SCAF4: variants seen among roughly 807,000 people sequenced by gnomAD.
SCAF4 encodes the protein SR-related and CTD-associated factor 4.
A neutral mutation model predicts 129.8 loss-of-function variants in SCAF4; 25 were observed. That is an observed-to-expected ratio of 0.19 (90% confidence interval 0.14 to 0.27). SCAF4 has a LOEUF of 0.27. Among genes scored for constraint, SCAF4 ranks in the 10% least tolerant of loss-of-function variants. The probability of loss-of-function intolerance (pLI) is 1.00; values close to 1 mark genes in which losing one functional copy is unlikely to be tolerated. For synonymous variants in SCAF4, 551 were observed against 497.7 expected, an observed-to-expected ratio of 1.11 and a Z score of -1.43; for missense variants, 1,246 against 1,457.1, an observed-to-expected ratio of 0.86 and a Z score of 2.36.
Position 31,731,958 on chromosome 21 carries a change from G to T in SCAF4, c.-266C>A. 1 of 479,254 alleles carries T rather than the reference G, an allele frequency of 2.1e-6. No individual in the cohort carries two copies. Among genetic ancestry groups the T allele is most frequent in the East Asian group, 3.5e-5 (1 of 28,320 alleles). 29.7% of individuals were successfully genotyped at this position (479,254 alleles called of 1,614,324 possible). On this transcript the variant is annotated 5_prime_UTR_variant, in exon 1 of 20. Transcript: ENST00000286835. Reference sequence around the variant, plus strand: ...GGCAGCGCTGGTCTTCAACATGTCCGTTTGGTGGTGGCGGCTGCGCTCTGC... The same window carrying T: ...GGCAGCGCTGGTCTTCAACATGTCCTTTTGGTGGTGGCGGCTGCGCTCTGC...
chr21:31,687,386 A>C (rs914529370), intron 16 of SCAF4, among the ~76,000 whole-genome samples: 1 of 152,234 alleles, frequency 6.6e-6, no homozygotes, highest in East Asian at 1.9e-4. Flanking sequence ...GGGAATTTGC[A>C]CATTTACAAA....
rs371653392 is a variant in SCAF4 at position 31,672,322 on chromosome 21, C to T, written c.2521G>A (p.Gly841Arg). The T allele has an allele frequency of 1.9e-6, 3 of 1,613,496 alleles. No homozygotes were observed. The African/African-American group carries it at 4.0e-5, about 22-fold the overall frequency. The change falls in exon 20 of 20, where the codon GGA becomes AGA. Residue 841 changes from glycine (G) to arginine (R), a missense_variant. Coordinates refer to ENST00000286835, the MANE Select transcript of SCAF4 (RefSeq NM_020706.2). ...TQGVAPGPVIGLQAPSTGLLG... is the reference protein window; with the variant it reads ...TQGVAPGPVIRLQAPSTGLLG... ...AGACCAGTAGATGGTGCCTGAAGTC[C>T]AATTACAGGACCAGGGGCAACTCCT...
At chr21:31,691,065 C>CT (rs2050249551) in intron 14 of SCAF4, 112 bp from the exon 15 acceptor site, 2 of 757,450 alleles carry the variant, frequency 2.6e-6, no homozygotes, top group Admixed American at 3.1e-5. Flanking sequence ...AGGGAGCAAT[C>CT]TGGACCAGCT....
At chr21:31,717,862 CACACACACATAT>C (rs1249824054) in intron 1 of SCAF4, among the ~76,000 whole-genome samples, 1 of 125,326 alleles carries the variant, frequency 8.0e-6, no homozygotes, top group African/African-American at 3.4e-5. Flanking sequence ...CACACACACA[CACACACACATAT>C]ACACATATAT....
chr21:31,685,513 T>G (rs765858143), intron 17 of SCAF4, 29 bp from the exon 18 acceptor site: 24 of 1,613,446 alleles, frequency 1.5e-5, no homozygotes, highest in Non-Finnish European at 2.0e-5. Flanking sequence ...TGTCAACTTA[T>G]GCTGTATCAC....
chr21:31,681,033 C>T (rs911513438), intron 19 of SCAF4, among the ~76,000 whole-genome samples: 1 of 152,198 alleles, frequency 6.6e-6, no homozygotes, highest in Non-Finnish European at 1.5e-5. Context: ...TGAAGCCATG[C>T]CAGGACTGCA....
intron 15 of SCAF4, 146 bp from the exon 16 acceptor site, chr21:31,688,610 T>A: frequency 3.0e-6 from 2 of 676,434 alleles, no homozygotes; most frequent in Non-Finnish European, 5.0e-6. Flanking sequence ...ATTATTTAAA[T>A]TAACAACAAT....
chr21:31,721,993 TACAGGCG>T (rs2051081315), intron 1 of SCAF4, among the ~76,000 whole-genome samples: 1 of 152,134 alleles, frequency 6.6e-6, no homozygotes. Flanking sequence ...GTGCTGGGAT[TACAGGCG>T]TGAGCCACCA....
intron 19 of SCAF4, among the ~76,000 whole-genome samples, chr21:31,681,897 CA>C (rs1203241673): frequency 6.6e-6 from 1 of 152,152 alleles, no homozygotes; most frequent in Non-Finnish European, 1.5e-5. Flanking sequence ...ACCCACTGAA[CA>C]ACTGTTTGGT....
At chr21:31,728,659 A>G (rs1417250990) in intron 1 of SCAF4, among the ~76,000 whole-genome samples, 1 of 152,136 alleles carries the variant, frequency 6.6e-6, no homozygotes, top group Non-Finnish European at 1.5e-5. Context: ...ATGTGTACAT[A>G]TCTAATGCCT....
intron 15 of SCAF4, 39 bp downstream of exon 15, chr21:31,690,757 CA>C (rs1252548258): frequency 1.3e-6 from 2 of 1,574,644 alleles, no homozygotes; most frequent in East Asian, 2.2e-5. Context: ...TACTACCAAG[CA>C]AATAAGTGAA....
intron 7 of SCAF4, among the ~76,000 whole-genome samples, chr21:31,697,551 A>G (rs911496900): frequency 1.3e-5 from 2 of 152,214 alleles, no homozygotes; most frequent in Non-Finnish European, 2.9e-5. Context: ...TGAATGGTAG[A>G]ATCAGGATGC....
At chr21:31,700,339 C>G (rs2050494649) in intron 7 of SCAF4, among the ~76,000 whole-genome samples, 1 of 152,014 alleles carries the variant, frequency 6.6e-6, no homozygotes, top group South Asian at 2.1e-4. Context: ...CTCCTGGGCT[C>G]ATGGGATCCT....
rs188084580 is a variant in SCAF4, at chr21:31,725,423, G to A, written c.30+6240C>T. ...GATGTAAAACTCAACTCTTCCTTCA[G>A]AATAACATGATTGACAGCCCAACTG... is the stretch of plus-strand genomic sequence containing the variant. On this transcript the variant is annotated intron_variant, in intron 1 of 19. Transcript: ENST00000286835. Among the ~76,000 whole-genome samples the A allele has an allele frequency of 2.6e-5, 4 of 152,262 alleles. No individual in the cohort carries two copies. In the East Asian group the frequency reaches 7.7e-4, roughly 29 times the overall value.
At chr21:31,676,709 C>T (rs1036206825) in intron 19 of SCAF4, among the ~76,000 whole-genome samples, 14 of 152,212 alleles carry the variant, frequency 9.2e-5, no homozygotes, top group Admixed American at 4.6e-4. Flanking sequence ...GTAAAATTCA[C>T]ACATCCTGTA....
intron 1 of SCAF4, among the ~76,000 whole-genome samples, chr21:31,708,660 AC>A (rs113378871): frequency 0.017 from 2,520 of 152,228 alleles, 71 homozygotes; most frequent in African/African-American, 0.057. Context: ...TAATGAACAC[AC>A]CCACACACAT....
At chr21:31,706,656 T>C (rs2050671028) in intron 1 of SCAF4, 2 of 343,500 alleles carry the variant, frequency 5.8e-6, no homozygotes, top group African/African-American at 2.1e-5. Flanking sequence ...AACCTGCTCC[T>C]GCAAAAGTGG....
At chr21:31,682,820 C>T (rs950691675) in intron 19 of SCAF4, among the ~76,000 whole-genome samples, 2 of 152,214 alleles carry the variant, frequency 1.3e-5, no homozygotes, top group Non-Finnish European at 2.9e-5. Context: ...TCCTTTAGTA[C>T]TGCAATACTG....
chr21:31,691,672 T>TAAAAAA (rs5843527), intron 14 of SCAF4, 145 bp downstream of exon 14: 8 of 281,040 alleles, frequency 2.8e-5, no homozygotes, highest in Admixed American at 5.5e-5. Context: ...AAATATTCTT[T>TAAAAAA]AAAAAAAAAA....
Sources: allele counts gnomAD v4.1 joint callset (sites outside exome capture counted in the v4.1 genomes callset), GRCh38; gene constraint gnomAD v4.1.1; transcripts MANE v1.5; gene names NCBI Gene and HGNC (gene_info 2026-07-23, HGNC 2026-07-21).